The following ZNF80 variants were observed in gnomAD, a reference collection of about 807,000 sequenced individuals.
ZNF80 encodes the protein ZNFPT17.
For synonymous variants in ZNF80, 132 were observed against 119.4 expected, an observed-to-expected ratio of 1.11 and a Z score of -0.69; for missense variants, 394 against 334.1, an observed-to-expected ratio of 1.18 and a Z score of -1.40.
In ZNF80 at chr3:114,235,269, G is replaced by A. The variant is rs1262980183; in HGVS notation, c.*984C>T. 3.9e-5 allele frequency: 6 copies of A among 152,200 alleles called. No homozygotes were observed. The highest frequency in any genetic ancestry group is 1.9e-4 in the East Asian group (1 of 5,206). The allele number at this position is 152,200 out of a possible 1,614,324, so 9.4% of individuals were successfully genotyped here. A position where few individuals can be genotyped will look rare whatever the true frequency, so the allele number is the denominator to read the frequency against. On this transcript the variant is annotated 3_prime_UTR_variant, in exon 1 of 1. Transcript: ENST00000482457. The stretch of plus-strand genomic sequence containing the variant: ...ACAGAAGGCCAAAGAAGCTGAGAAA[G>A]CACAGAGGAAATAATCAAGGCTCAC...
rs1465754537 is a variant in ZNF80 at position 114,235,491 on chromosome 3, G to T, written c.*762C>A. ...GTTACTTACCTCCTCAGATATGAAA[G>T]GATTTTATATGGCAGTATTTTTATA... is the stretch of plus-strand genomic sequence containing the variant. On this transcript the variant is annotated 3_prime_UTR_variant, in exon 1 of 1. Transcript: ENST00000482457. The T allele has an allele frequency of 6.6e-6, 1 of 152,194 alleles. No homozygotes were observed. Among genetic ancestry groups the T allele is most frequent in the East Asian group, 1.9e-4 (1 of 5,204 alleles). 9.4% of individuals were successfully genotyped at this position (152,194 alleles called of 1,614,324 possible).
rs773623409 is a variant in ZNF80 at position 114,236,716 on chromosome 3, A to T, written c.359T>A (p.Leu120His). 1 of 1,614,188 alleles carries T rather than the reference A, an allele frequency of 6.2e-7. No homozygotes were observed. Among genetic ancestry groups the T allele is most frequent in the Non-Finnish European group, 8.5e-7 (1 of 1,180,032 alleles). ...CGKVFNRRSH[L>H]LCYRQIHTGE... ...AGTGTGAATCTGGCGGTAGCACAGG[A>T]GGTGCGACCTGCGGTTGAAGACCTT... is the stretch of plus-strand genomic sequence containing the variant. Residue 120 changes from leucine to histidine, a missense_variant, in exon 1 of 1, where the codon CTC (leucine) becomes CAC (histidine). Coordinates refer to ENST00000482457, the MANE Select transcript of ZNF80 (RefSeq NM_007136.4).
Position 114,236,279 on chromosome 3 carries a change from T to C in ZNF80, c.796A>G (p.Ile266Val), listed in dbSNP as rs2078201468. 6.2e-7 allele frequency: 1 copy of C among 1,605,698 alleles called. No homozygotes were observed. Among genetic ancestry groups the C allele is most frequent in the African/African-American group, 1.3e-5 (1 of 74,624 alleles). ...CAAAGGTTTTTTCCTCCAGAGTGGA[T>C]CTTACTCTGTTGGGCAAAAGCAGAG... The part of the protein sequence containing the change: ...YHSAFAQQSK[I>V]HSGGKNL The change falls in exon 1 of 1, where the codon ATC (isoleucine) becomes GTC (valine). Residue 266 changes from isoleucine (I) to valine (V), a missense_variant. Physicochemically the swap from Ile to Val is conservative, Grantham distance 29. Coordinates refer to ENST00000482457, the MANE Select transcript of ZNF80 (RefSeq NM_007136.4).
Position 114,236,579 on chromosome 3 carries a change from A to G in ZNF80, c.496T>C (p.Cys166Arg), listed in dbSNP as rs555903765. ...GAGTTGTAGTAAAAGGTTTTTCCAC[A>G]TTCTTTGCACCCAAAGAGTTTTTCT... is the stretch of plus-strand genomic sequence containing the variant. ...TGEKLFGCKECGKTFYYNSSL... is the reference protein window; with the variant it reads ...TGEKLFGCKERGKTFYYNSSL... Residue 166 changes from cysteine to arginine, a missense_variant, in exon 1 of 1, where the codon TGT becomes CGT. Transcript: ENST00000482457. 2 of 1,614,122 alleles carry G rather than the reference A, an allele frequency of 1.2e-6. No individual in the cohort carries two copies. Among genetic ancestry groups the G allele is most frequent in the East Asian group, 2.2e-5 (1 of 44,878 alleles).
rs2107923700 is a variant in ZNF80, at chr3:114,236,269, C to A, written c.806G>T (p.Gly269Val). The change falls in exon 1 of 1, where the codon GGA becomes GTA. Residue 269 changes from glycine (G) to valine (V), a missense_variant. By Grantham distance (109) the Gly-to-Val change is moderately radical (BLOSUM62 -3). Transcript: ENST00000482457. ...CATTTGCACTCAAAGGTTTTTTCCT[C>A]CAGAGTGGATCTTACTCTGTTGGGC... The part of the protein sequence containing the change: ...AFAQQSKIHS[G>V]GKNL 3 of 1,579,710 alleles carry A rather than the reference C, an allele frequency of 1.9e-6. No individual in the cohort carries two copies. Among genetic ancestry groups the A allele is most frequent in the Middle Eastern group, 1.7e-4 (1 of 5,870 alleles).
Position 114,237,059 on chromosome 3 carries a change from C to T in ZNF80, c.16G>A (p.Asp6Asn), listed in dbSNP as rs150485238. 8.8e-4 allele frequency: 1,405 copies of T among 1,596,700 alleles called. 2 individuals carry two copies. Among genetic ancestry groups the T allele is most frequent in the Non-Finnish European group, 1.1e-3 (1,326 of 1,170,540 alleles). The change falls in exon 1 of 1, where the codon GAT becomes AAT. Residue 6 changes from aspartate (D) to asparagine (N), a missense_variant. Physicochemically the swap from Asp to Asn is conservative, Grantham distance 23. Coordinates refer to ENST00000482457, the MANE Select transcript of ZNF80 (RefSeq NM_007136.4). Reference sequence around the variant, plus strand: ...AGACCATCACCTGTCCCCAACCCATCGCGTTTAGGGCTCATCTTCCTCCAG... The same window carrying T: ...AGACCATCACCTGTCCCCAACCCATTGCGTTTAGGGCTCATCTTCCTCCAG... Reference protein sequence around the residue: MSPKRDGLGTGDGLHS... With the variant: MSPKRNGLGTGDGLHS...
rs1011832459 is a variant in ZNF80 at position 114,236,745 on chromosome 3, G to C, written c.330C>G (p.Cys110Trp). Residue 110 changes from cysteine (C) to tryptophan (W), a missense_variant, in exon 1 of 1, where the codon TGC (cysteine) becomes TGG (tryptophan). Transcript: ENST00000482457. ...TGEKPCKCVE[C>W]GKVFNRRSHL... ...GCGACCTGCGGTTGAAGACCTTCCCGCACTCCACGCACTTACAGGGCTTCT... is the reference window on the plus strand; with the variant it reads ...GCGACCTGCGGTTGAAGACCTTCCCCCACTCCACGCACTTACAGGGCTTCT... 2.5e-6 allele frequency: 4 copies of C among 1,614,078 alleles called. No individual in the cohort carries two copies. The Admixed American group carries it at 6.7e-5, about 27-fold the overall frequency.
rs777370437 is a variant in ZNF80 at position 114,236,568 on chromosome 3, G to A, written c.507C>T (p.Thr169=). The part of the protein sequence containing the change: ...KLFGCKECGK[T]FYYNSSLTRH... ...GGGTTAAGGAAGAGTTGTAGTAAAAGGTTTTTCCACATTCTTTGCACCCAA... is the reference window on the plus strand; with the variant it reads ...GGGTTAAGGAAGAGTTGTAGTAAAAAGTTTTTCCACATTCTTTGCACCCAA... The change falls in exon 1 of 1, where the codon ACC becomes ACT. Residue 169 remains threonine (T), a synonymous_variant. Transcript: ENST00000482457. The A allele has an allele frequency of 1.7e-4, 268 of 1,613,974 alleles. No homozygotes were observed. Among genetic ancestry groups the A allele is most frequent in the Non-Finnish European group, 2.1e-4 (248 of 1,180,024 alleles).
chr3:114,237,196 A>G lies in ZNF80; in HGVS notation c.-122T>C, dbSNP rs576419511. 7.3e-6 allele frequency: 6 copies of G among 826,016 alleles called. No individual in the cohort carries two copies. The South Asian group carries it at 1.0e-4, about 14-fold the overall frequency. The allele number at this position is 826,016 out of a possible 1,614,324, so 51.2% of individuals were successfully genotyped here. ...ACTGACTTCAAGAATGAAGCCGCGG[A>G]CCCTTGTGGTGAGTGTTACAGCTCT... On this transcript the variant is annotated 5_prime_UTR_variant, in exon 1 of 1. Coordinates refer to ENST00000482457, the MANE Select transcript of ZNF80 (RefSeq NM_007136.4).
At position 114,236,961 on chromosome 3, in the gene ZNF80, A is replaced by C. The variant is rs1264307631; in HGVS notation, c.114T>G (p.Ser38Arg). The stretch of plus-strand genomic sequence containing the variant: ...TCCCCTCACGAACCAAAGTGTCTTT[A>C]CTTGGTCCCTGGGAGTCACATTCAT... Reference protein sequence around the residue: ...NLHECDSQGPSKDTLVREGKT... With the variant: ...NLHECDSQGPRKDTLVREGKT... The change falls in exon 1 of 1, where the codon AGT becomes AGG. Residue 38 changes from serine (S) to arginine (R), a missense_variant. By Grantham distance (110) the Ser-to-Arg change is moderately radical. Coordinates refer to ENST00000482457, the MANE Select transcript of ZNF80 (RefSeq NM_007136.4). 6.2e-7 allele frequency: 1 copy of C among 1,614,064 alleles called. No individual in the cohort carries two copies. Among genetic ancestry groups the C allele is most frequent in the East Asian group, 2.2e-5 (1 of 44,892 alleles).
rs551288956 is a variant in ZNF80 at position 114,236,554 on chromosome 3, G to C, written c.521C>G (p.Ser174Cys). 1 of 1,614,044 alleles carries C rather than the reference G, an allele frequency of 6.2e-7. No homozygotes were observed. The highest frequency in any genetic ancestry group is 1.1e-5 in the South Asian group (1 of 91,070). Reference sequence around the variant, plus strand: ...AATCTTCATGTGCCGGGTTAAGGAAGAGTTGTAGTAAAAGGTTTTTCCACA... The same window carrying C: ...AATCTTCATGTGCCGGGTTAAGGAACAGTTGTAGTAAAAGGTTTTTCCACA... ...KECGKTFYYN[S>C]SLTRHMKIHT... The change falls in exon 1 of 1, where the codon TCT becomes TGT. Residue 174 changes from serine (S) to cysteine (C), a missense_variant. Coordinates refer to ENST00000482457, the MANE Select transcript of ZNF80 (RefSeq NM_007136.4).
chr3:114,236,170 A>G lies in ZNF80; in HGVS notation c.*83T>C, dbSNP rs544034808. ...CAGCTTTCCTACTGCCACTGAATTC[A>G]GAGTGCTTCTCCTCAGTGTGGCTCT... On this transcript the variant is annotated 3_prime_UTR_variant, in exon 1 of 1. Coordinates refer to ENST00000482457, the MANE Select transcript of ZNF80 (RefSeq NM_007136.4). 1.5e-5 allele frequency: 16 copies of G among 1,032,446 alleles called. No individual in the cohort carries two copies. The South Asian group carries it at 2.5e-4, about 16-fold the overall frequency. The allele number at this position is 1,032,446 out of a possible 1,614,324, so 64.0% of individuals were successfully genotyped here.
chr3:114,235,961 AG>A lies in ZNF80; in HGVS notation c.*291del, dbSNP rs1025486353. On this transcript the variant is annotated 3_prime_UTR_variant, in exon 1 of 1. Transcript: ENST00000482457. The stretch of plus-strand genomic sequence containing the variant: ...CTCCTGGAAAAATTCTCAGATGCTG[AG>A]GAAGATATTTCCTGTGGCCAAAAGA... 2 of 266,550 alleles carry A rather than the reference AG, an allele frequency of 7.5e-6. No homozygotes were observed. Among genetic ancestry groups the A allele is most frequent in the Admixed American group, 9.5e-5 (2 of 21,042 alleles). The allele number at this position is 266,550 out of a possible 1,614,324, so 16.5% of individuals were successfully genotyped here.
rs1325214299 is a variant in ZNF80, at chr3:114,236,318, C to G, written c.757G>C (p.Asp253His). Residue 253 changes from aspartate (D) to histidine (H), a missense_variant, in exon 1 of 1, where the codon GAC becomes CAC. Physicochemically the swap from Asp to His is moderately conservative, Grantham distance 81 (BLOSUM62 -1). Transcript: ENST00000482457. ...GCAAAAGCAGAGTGGTAGCCAAAGTCCTTTCTATGTTCAAGGCACTCATAA... is the reference window on the plus strand; with the variant it reads ...GCAAAAGCAGAGTGGTAGCCAAAGTGCTTTCTATGTTCAAGGCACTCATAA... The part of the protein sequence containing the change: ...KPYECLEHRK[D>H]FGYHSAFAQQ... 2.5e-6 allele frequency: 4 copies of G among 1,613,772 alleles called. No individual in the cohort carries two copies. The highest frequency in any genetic ancestry group is 3.4e-6 in the Non-Finnish European group (4 of 1,179,766).
chr3:114,236,593 A>T lies in ZNF80; in HGVS notation c.482T>A (p.Phe161Tyr). Residue 161 changes from phenylalanine to tyrosine, a missense_variant, in exon 1 of 1, where the codon TTT becomes TAT. By Grantham distance (22) the Phe-to-Tyr change is conservative (BLOSUM62 3). Coordinates refer to ENST00000482457, the MANE Select transcript of ZNF80 (RefSeq NM_007136.4). ...GGTTTTTCCACATTCTTTGCACCCA[A>T]AGAGTTTTTCTCCAGTGTGGGTCAC... ...HRVTHTGEKL[F>Y]GCKECGKTFY... The T allele has an allele frequency of 1.9e-6, 3 of 1,613,714 alleles. No individual in the cohort carries two copies. The highest frequency in any genetic ancestry group is 3.3e-5 in the Admixed American group (2 of 59,962).
chr3:114,236,500 C>T lies in ZNF80; in HGVS notation c.575G>A (p.Ser192Asn), dbSNP rs1293555753. The T allele has an allele frequency of 6.2e-7, 1 of 1,612,854 alleles. No individual in the cohort carries two copies. The highest frequency in any genetic ancestry group is 1.1e-5 in the South Asian group (1 of 91,052). Residue 192 changes from serine (S) to asparagine (N), a missense_variant, in exon 1 of 1, where the codon AGT (serine) becomes AAT (asparagine). By Grantham distance (46) the Ser-to-Asn change is conservative. Transcript: ENST00000482457. ...IHTGEKPCKC[S>N]ECGKTFTYRS... is the part of the protein sequence containing the mutation. ...GTAGGTGAAGGTCTTCCCGCACTCA[C>T]TGCACTTGCAGGGCTTCTCTCCAGT...
At position 114,237,361 on chromosome 3, in the gene ZNF80, A is replaced by C. The variant is rs924782264; in HGVS notation, c.-287T>G. ...GTGAGTGTTACAGCTCTTAAGGCTTAAGGCGGCGCGTCTGGAGTTGTTCGT... is the reference window on the plus strand; with the variant it reads ...GTGAGTGTTACAGCTCTTAAGGCTTCAGGCGGCGCGTCTGGAGTTGTTCGT... On this transcript the variant is annotated 5_prime_UTR_variant, in exon 1 of 1. Transcript: ENST00000482457. 3.6e-5 allele frequency: 10 copies of C among 279,632 alleles called. No homozygotes were observed. The highest frequency in any genetic ancestry group is 5.3e-5 in the Non-Finnish European group (8 of 150,586). 17.3% of individuals were successfully genotyped at this position (279,632 alleles called of 1,614,324 possible).
rs756461881 is a variant in ZNF80 at position 114,236,613 on chromosome 3, G to A, written c.462C>T (p.Thr154=). 5 of 1,614,016 alleles carry A rather than the reference G, an allele frequency of 3.1e-6. No homozygotes were observed. The highest frequency in any genetic ancestry group is 4.2e-6 in the Non-Finnish European group (5 of 1,180,022). ...YHSVFIQHRV[T]HTGEKLFGCK... The stretch of plus-strand genomic sequence containing the variant: ...ACCCAAAGAGTTTTTCTCCAGTGTG[G>A]GTCACACGATGCTGGATGAAGACAG... Residue 154 remains threonine, a synonymous_variant, in exon 1 of 1, where the codon ACC becomes ACT. Coordinates refer to ENST00000482457, the MANE Select transcript of ZNF80 (RefSeq NM_007136.4).
chr3:114,235,532 A>T lies in ZNF80; in HGVS notation c.*721T>A, dbSNP rs1323715073. 1 of 152,214 alleles carries T rather than the reference A, an allele frequency of 6.6e-6. No individual in the cohort carries two copies. The highest frequency in any genetic ancestry group is 6.5e-5 in the Admixed American group (1 of 15,282). 9.4% of individuals were successfully genotyped at this position (152,214 alleles called of 1,614,324 possible). On this transcript the variant is annotated 3_prime_UTR_variant, in exon 1 of 1. Coordinates refer to ENST00000482457, the MANE Select transcript of ZNF80 (RefSeq NM_007136.4). ...TATTTTTATATTCTACGTTCTTACA[A>T]GTTTCACATATTCCATTACTTAAGC...
Sources: gnomAD v4.1 joint callset for allele counts on GRCh38, gnomAD v4.1.1 for gene constraint, MANE v1.5 for transcripts, NCBI Gene and HGNC (gene_info 2026-07-23, HGNC 2026-07-21) for gene names.